Variants in EBF2 observed in about 807,000 individuals in gnomAD.
EBF2 encodes EBF transcription factor 2.
EBF2 carries 21 observed loss-of-function variants against 72.8 expected under a neutral mutation model. The ratio of observed to expected loss-of-function variants is 0.29; its 90% CI spans 0.20 to 0.42. The LOEUF (loss-of-function observed/expected upper bound fraction) is 0.42, where lower values mean the gene tolerates loss of function less well. Among genes scored for constraint, EBF2 ranks in the 10% least tolerant of loss-of-function variants. The pLI, the probability that EBF2 is intolerant of heterozygous loss-of-function variation, is 1.00. For synonymous variants in EBF2, 299 were observed against 274.2 expected (o/e 1.09, Z -0.89); for missense variants, 637 against 731.2 (o/e 0.87, Z 1.49).
At chr8:25,975,938 T>C (rs1383375396) in intron 6 of EBF2, among the ~76,000 whole-genome samples, 1 of 152,162 alleles carries the variant, frequency 6.6e-6, no homozygotes, top group African/African-American at 2.4e-5. Flanking sequence ...ATCTAAAGGA[T>C]GAACAGCTGT....
chr8:25,908,608 G>C (rs1803077834), intron 6 of EBF2, 53 bp from the exon 7 acceptor site: 3 of 1,159,854 alleles, frequency 2.6e-6, no homozygotes, highest in Admixed American at 3.8e-5. Flanking sequence ...TTTAAAGGGA[G>C]AATATAGCTG....
intron 4 of EBF2, 118 bp downstream of exon 4, chr8:26,040,498 G>C: frequency 1.1e-6 from 1 of 904,850 alleles, no homozygotes; most frequent in South Asian, 1.7e-5. Context: ...GGACGTGGAG[G>C]GGGCTGTGGA....
chr8:26,043,798 G>A (rs958918598), intron 1 of EBF2, among the ~76,000 whole-genome samples: 1 of 152,188 alleles, frequency 6.6e-6, no homozygotes, highest in Non-Finnish European at 1.5e-5. Flanking sequence ...GGCTCTTTGG[G>A]GGTAGAAGGG....
At position 25,899,094 on chromosome 8, in the gene EBF2, T is replaced by C. The variant is rs571440524; in HGVS notation, c.634-9225A>G. ...TCAGTCAAGATTTCTGTCATCCTGA[T>C]TCTTGTCCCCATTCAAGACACCAAA... is the stretch of plus-strand genomic sequence containing the variant. On this transcript the variant is annotated intron_variant, in intron 7 of 15. Coordinates refer to ENST00000520164, the MANE Select transcript of EBF2 (RefSeq NM_022659.4). Among the ~76,000 whole-genome samples the C allele has an allele frequency of 5.3e-5, 8 of 152,292 alleles. No homozygotes were observed. In the East Asian group the frequency reaches 1.5e-3, roughly 29 times the overall value.
intron 6 of EBF2, among the ~76,000 whole-genome samples, chr8:25,927,718 A>T (rs1478794755): frequency 6.6e-6 from 1 of 151,986 alleles, no homozygotes; most frequent in Non-Finnish European, 1.5e-5. Context: ...GCCTTAGAAC[A>T]CTCTTATTTG....
At chr8:25,938,373 T>C (rs1723164285) in intron 6 of EBF2, among the ~76,000 whole-genome samples, 1 of 151,504 alleles carries the variant, frequency 6.6e-6, no homozygotes. Context: ...CTCTCTTACT[T>C]TGAAAAAAAA....
intron 10 of EBF2, among the ~76,000 whole-genome samples, chr8:25,865,711 C>T (rs1308050959): frequency 6.6e-6 from 1 of 150,650 alleles, no homozygotes; most frequent in Non-Finnish European, 1.5e-5. Context: ...CAGACCTGAG[C>T]CACTGCACCT....
At chr8:25,875,907 C>T (rs1255969500) in intron 10 of EBF2, among the ~76,000 whole-genome samples, 2 of 152,164 alleles carry the variant, frequency 1.3e-5, no homozygotes, top group Non-Finnish European at 2.9e-5. Flanking sequence ...AATTCCATGA[C>T]TAGGTATATA....
At chr8:25,918,497 C>T (rs1319958563) in intron 6 of EBF2, among the ~76,000 whole-genome samples, 1 of 152,192 alleles carries the variant, frequency 6.6e-6, no homozygotes, top group Non-Finnish European at 1.5e-5. Flanking sequence ...TTTCAGAACA[C>T]CTTCTGTCGC....
chr8:25,847,470 C>A (rs1184296053), intron 15 of EBF2, among the ~76,000 whole-genome samples: 1 of 152,186 alleles, frequency 6.6e-6, no homozygotes, highest in Non-Finnish European at 1.5e-5. Flanking sequence ...AGCTTCCATG[C>A]ACCTGGTCTA....
At chr8:26,038,709 C>A (rs1283702810) in intron 5 of EBF2, among the ~76,000 whole-genome samples, 2 of 152,246 alleles carry the variant, frequency 1.3e-5, no homozygotes, top group Non-Finnish European at 2.9e-5. Context: ...TATCTATCTT[C>A]TTACTCCTCC....
intron 6 of EBF2, among the ~76,000 whole-genome samples, chr8:26,011,774 GT>G (rs1205030118): frequency 1.3e-4 from 19 of 151,928 alleles, no homozygotes; most frequent in Admixed American, 1.2e-3. Context: ...ACTGTCAGCA[GT>G]CTTAACGGAG....
intron 6 of EBF2, among the ~76,000 whole-genome samples, chr8:25,933,858 C>T (rs1426372694): frequency 1.3e-5 from 2 of 152,008 alleles, no homozygotes; most frequent in African/African-American, 4.8e-5. Context: ...AGAGACAAAA[C>T]TGGAATAATT....
chr8:25,917,525 C>G (rs1176155837), intron 6 of EBF2, among the ~76,000 whole-genome samples: 3 of 152,146 alleles, frequency 2.0e-5, no homozygotes, highest in African/African-American at 7.2e-5. Flanking sequence ...TGCCCTTATC[C>G]TTTCCTCTGT....
intron 8 of EBF2, 26 bp from the exon 9 acceptor site, chr8:25,887,998 A>T (rs537886241): frequency 2.5e-6 from 4 of 1,588,384 alleles, no homozygotes; most frequent in Admixed American, 1.8e-5. Flanking sequence ...AGAAAAAGTC[A>T]GGTTTGTTCT....
chr8:25,910,311 T>G (rs1198931332), intron 6 of EBF2, among the ~76,000 whole-genome samples: 1 of 152,150 alleles, frequency 6.6e-6, no homozygotes, highest in Non-Finnish European at 1.5e-5. Flanking sequence ...TTCCCACTTG[T>G]GTGTGTTTCT....
At chr8:25,909,840 CTGTT>C (rs1371092682) in intron 6 of EBF2, among the ~76,000 whole-genome samples, 1 of 152,164 alleles carries the variant, frequency 6.6e-6, no homozygotes, top group Non-Finnish European at 1.5e-5. Context: ...CTCTTTTACT[CTGTT>C]TGCTGGAAAT....
At chr8:26,033,889 C>G (rs550923311) in intron 5 of EBF2, among the ~76,000 whole-genome samples, 2 of 152,282 alleles carry the variant, frequency 1.3e-5, no homozygotes, top group South Asian at 4.2e-4. Context: ...TACTCAAATT[C>G]TCACTCTGTG....
At chr8:25,870,662 C>G (rs1802421863) in intron 10 of EBF2, among the ~76,000 whole-genome samples, 1 of 152,126 alleles carries the variant, frequency 6.6e-6, no homozygotes, top group Admixed American at 6.5e-5. Context: ...TTGCAAACCA[C>G]TAGGATACAG....
Sources: gnomAD v4.1 joint callset for allele counts (sites outside exome capture counted in the v4.1 genomes callset) on GRCh38, gnomAD v4.1.1 for gene constraint, MANE v1.5 for transcripts, NCBI Gene and HGNC (gene_info 2026-07-23, HGNC 2026-07-21) for gene names.